Variants in ACP3 observed in about 807,000 individuals in gnomAD.
The protein encoded by ACP3 is prostatic acid phosphatase.
ACP3 carries 38 observed loss-of-function variants against 45.6 expected under a neutral mutation model. The ratio of observed to expected loss-of-function variants is 0.83; its 90% CI spans 0.64 to 1.09. The LOEUF (loss-of-function observed/expected upper bound fraction) is 1.09, where lower values mean the gene tolerates loss of function less well. Ranked by LOEUF, ACP3 falls within the 50% of genes least tolerant of loss-of-function variation. The pLI is 0.00. For synonymous variants in ACP3, 162 were observed against 164.7 expected (o/e 0.98, Z 0.13); for missense variants, 466 against 463.2 (o/e 1.01, Z -0.05).
At position 132,349,748 on chromosome 3, in the gene ACP3, T is replaced by C. The variant is rs1412088166; in HGVS notation, c.782-172T>C. 2.6e-5 allele frequency among the ~76,000 whole-genome samples: 4 copies of C among 151,844 alleles called. No homozygotes were observed. In the East Asian group the frequency reaches 7.7e-4, roughly 29 times the overall value. ...AGGATTCAGTTTAAAAAAAAAAAAG[T>C]ATGTAAATCACATTACCTAGCACAG... On this transcript the variant is annotated intron_variant, in intron 7 of 9. Coordinates refer to ENST00000336375, the MANE Select transcript of ACP3 (RefSeq NM_001099.5).
rs1937916138 is a variant in ACP3, at chr3:132,356,868, G to GTACAGA, written c.1153_1158dup (p.Thr385_Asp386dup). The stretch of plus-strand genomic sequence containing the variant: ...AACAGCCATCAAGGTACTGAAGACA[G>GTACAGA]TACAGATTAGTGTGCACAGAGATCT... On this transcript the variant is annotated inframe_insertion, in exon 10 of 10. Coordinates refer to ENST00000336375, the MANE Select transcript of ACP3 (RefSeq NM_001099.5). 6.2e-7 allele frequency: 1 copy of GTACAGA among 1,613,074 alleles called. No individual in the cohort carries two copies. The highest frequency in any genetic ancestry group is 8.5e-7 in the Non-Finnish European group (1 of 1,179,428).
At chr3:132,356,632 G>A (rs569224887) in intron 9 of ACP3, 54 bp from the exon 10 acceptor site, 1 of 1,606,824 alleles carries the variant, frequency 6.2e-7, no homozygotes, top group Non-Finnish European at 8.5e-7. Flanking sequence ...AAATTCAGTG[G>A]CAGTTCAACA....
At chr3:132,327,765 G>A (rs1034457767) in intron 1 of ACP3, among the ~76,000 whole-genome samples, 3 of 149,846 alleles carry the variant, frequency 2.0e-5, no homozygotes, top group African/African-American at 7.4e-5. Context: ...CTGCACTCCA[G>A]CCTGGGCAAC....
chr3:132,328,412 C>T (rs1262627018), intron 2 of ACP3, 50 bp downstream of exon 2: 7 of 1,508,708 alleles, frequency 4.6e-6, no homozygotes, highest in Non-Finnish European at 6.4e-6. Context: ...GGTGTGGTGG[C>T]TCACGCCTGT....
chr3:132,365,585 A>T (rs1386976607), intron 10 of ACP3, among the ~76,000 whole-genome samples: 1 of 152,168 alleles, frequency 6.6e-6, no homozygotes, highest in African/African-American at 2.4e-5. Flanking sequence ...CATCATTAGA[A>T]CTGTAGCTTT....
downstream of ACP3, among the ~76,000 whole-genome samples, chr3:132,359,505 C>CTAAATAAA (rs151183478): frequency 2.9e-3 from 446 of 151,478 alleles, 3 homozygotes; most frequent in African/African-American, 9.6e-3. Flanking sequence ...GAGACTCTGT[C>CTAAATAAA]TAAATAAATA....
chr3:132,358,450 A>T lies in ACP3; in HGVS notation c.*1572A>T, dbSNP rs1427343912. ...GAAACTGCCCACTCTGCAAGAAGAA[A>T]TCATGATATAGCTTTGCCATGTGGC... On this transcript the variant is annotated 3_prime_UTR_variant, in exon 10 of 10. Transcript: ENST00000336375. The T allele has an allele frequency of 1.6e-6, 2 of 1,275,368 alleles. No individual in the cohort carries two copies. Among genetic ancestry groups the T allele is most frequent in the Non-Finnish European group, 2.0e-6 (2 of 980,776 alleles). The allele number at this position is 1,275,368 out of a possible 1,614,324, so 79.0% of individuals were successfully genotyped here.
At chr3:132,331,560 A>G in intron 2 of ACP3, 87 bp from the exon 3 acceptor site, 1 of 1,015,350 alleles carries the variant, frequency 9.8e-7, no homozygotes, top group Non-Finnish European at 1.4e-6. Context: ...TACACACATA[A>G]TGAAAAAAAA....
intron 7 of ACP3, among the ~76,000 whole-genome samples, chr3:132,349,517 A>C (rs993552821): frequency 2.0e-5 from 3 of 152,194 alleles, no homozygotes; most frequent in Admixed American, 1.3e-4. Context: ...GCTCTGGAGA[A>C]GAACATGGGC....
At chr3:132,359,391 C>T (rs924021760), downstream of ACP3, among the ~76,000 whole-genome samples, 1 of 152,080 alleles carries the variant, frequency 6.6e-6, no homozygotes, top group Non-Finnish European at 1.5e-5. Context: ...ACCTGTAGTC[C>T]CAGCTACTCG....
chr3:132,351,190 A>C (rs1559840995), intron 8 of ACP3, among the ~76,000 whole-genome samples: 1 of 152,222 alleles, frequency 6.6e-6, no homozygotes, highest in African/African-American at 2.4e-5. Flanking sequence ...AGAGAATAGA[A>C]GGAGGAAAGG....
chr3:132,342,570 G>A lies in ACP3; in HGVS notation c.574G>A (p.Gly192Arg), dbSNP rs780853788. Residue 192 changes from glycine to arginine, a missense_variant, in exon 6 of 10, where the codon GGA becomes AGA. Transcript: ENST00000336375. The part of the protein sequence containing the change: ...HPYKDFIATL[G>R]KLSGLHGQDL... ...GTTTCAGGATTTTATAGCTACCTTG[G>A]GAAAACTTTCAGGATTACATGGCCA... 2 of 1,612,220 alleles carry A rather than the reference G, an allele frequency of 1.2e-6. No homozygotes were observed. The highest frequency in any genetic ancestry group is 1.7e-6 in the Non-Finnish European group (2 of 1,179,292).
intron 4 of ACP3, 91 bp from the exon 5 acceptor site, chr3:132,337,365 T>C (rs1194674792): frequency 1.3e-6 from 1 of 770,964 alleles, no homozygotes; most frequent in East Asian, 2.5e-5. Context: ...AAGGTTGCTT[T>C]GAACCTAATG....
chr3:132,368,099 A>T (rs1057073200), exon 11 of ACP3: 1 of 258,876 alleles, frequency 3.9e-6, no homozygotes, highest in African/African-American at 2.2e-5. Context: ...TCTCTGCCAC[A>T]GTTGTCCGGA....
intron 1 of ACP3, among the ~76,000 whole-genome samples, chr3:132,319,848 T>C (rs547140803): frequency 6.6e-6 from 1 of 152,300 alleles, no homozygotes; most frequent in South Asian, 2.1e-4. Context: ...TTTGCTGGAT[T>C]AGCTTGACTC....
rs761390229 is a variant in ACP3, at chr3:132,367,794, G to A, written c.1229G>A (p.Trp410Ter). ...ATCCACATTCGCCGTGGACTCTGCT[G>A]GCAGAGAGAATCCTATGGGAACATC... The change falls in exon 11 of 11, where the codon TGG (tryptophan) becomes TAG (stop). Residue 410 changes from tryptophan (W) to a stop codon, truncating the protein, a stop_gained. Coordinates refer to the ACP3 transcript ENST00000351273. LOFTEE classifies it high-confidence loss of function. 9 of 1,613,384 alleles carry A rather than the reference G, an allele frequency of 5.6e-6. No homozygotes were observed. Among genetic ancestry groups the A allele is most frequent in the Non-Finnish European group, 7.6e-6 (9 of 1,179,428 alleles).
rs183836498 is a variant in ACP3, at chr3:132,346,199, A to T, written c.781+1140A>T. Among the ~76,000 whole-genome samples the T allele has an allele frequency of 6.3e-3, 966 of 152,338 alleles. 7 individuals are homozygous for T. The highest frequency in any genetic ancestry group is 0.022 in the African/African-American group (909 of 41,580). ...CTGAGGCTACTTAACTAGGGAAAAAATTCAAATCACTGACCAGAAAAGGAA... is the reference window on the plus strand; with the variant it reads ...CTGAGGCTACTTAACTAGGGAAAAATTTCAAATCACTGACCAGAAAAGGAA... On this transcript the variant is annotated intron_variant, in intron 7 of 9. Coordinates refer to ENST00000336375, the MANE Select transcript of ACP3 (RefSeq NM_001099.5).
At chr3:132,325,402 C>T (rs934479258) in intron 1 of ACP3, among the ~76,000 whole-genome samples, 1 of 152,120 alleles carries the variant, frequency 6.6e-6, no homozygotes, top group African/African-American at 2.4e-5. Flanking sequence ...GAAAGTTTGC[C>T]CAAGTCTCAT....
At chr3:132,349,613 C>T (rs146194979) in intron 7 of ACP3, among the ~76,000 whole-genome samples, 18 of 152,206 alleles carry the variant, frequency 1.2e-4, no homozygotes, top group African/African-American at 4.1e-4. Context: ...TAACAAAACC[C>T]GGTATGGTAG....
Sources: gnomAD v4.1 joint callset for allele counts (sites outside exome capture counted in the v4.1 genomes callset) on GRCh38, gnomAD v4.1.1 for gene constraint, MANE v1.5 for transcripts, NCBI Gene and HGNC (gene_info 2026-07-23, HGNC 2026-07-21) for gene names.